Variants in POMT2 observed in about 807,000 individuals in gnomAD.
The protein encoded by POMT2 is protein O-mannosyltransferase 2.
In POMT2, 75 loss-of-function variants were observed where a neutral mutation model predicts 100.0. That is an observed-to-expected ratio of 0.75 (90% confidence interval 0.62 to 0.91). The LOEUF (loss-of-function observed/expected upper bound fraction) is 0.91. Among genes scored for constraint, POMT2 ranks in the 40% least tolerant of loss-of-function variants. The pLI is 0.00. For synonymous variants in POMT2, 378 were observed against 374.1 expected (o/e 1.01, Z -0.12); for missense variants, 940 against 955.1 (o/e 0.98, Z 0.21).
chr14:77,290,767 C>T (rs532022525), intron 10 of POMT2, among the ~76,000 whole-genome samples: 2 of 152,328 alleles, frequency 1.3e-5, no homozygotes, highest in African/African-American at 4.8e-5. Context: ...CAGTTAGAAG[C>T]AGATCAGCAG....
rs548239526 is a variant in POMT2, at chr14:77,297,185, T to C, written c.1007-912A>G. On this transcript the variant is annotated intron_variant, in intron 8 of 20. Coordinates refer to ENST00000261534, the MANE Select transcript of POMT2 (RefSeq NM_013382.7). ...GCTAAACTCCACAGCTGTGTTCTTCTGAGTTCTCAGGCAGGCCAACCTCGG... is the reference window on the plus strand; with the variant it reads ...GCTAAACTCCACAGCTGTGTTCTTCCGAGTTCTCAGGCAGGCCAACCTCGG... Among the ~76,000 whole-genome samples, 23 of 152,362 alleles carry C rather than the reference T, an allele frequency of 1.5e-4. No homozygotes were observed. In the South Asian group the frequency reaches 4.4e-3, roughly 29 times the overall value.
intron 11 of POMT2, chr14:77,287,510 CTG>C (rs1425013907): frequency 5.0e-4 from 52 of 104,686 alleles, no homozygotes; most frequent in African/African-American, 1.6e-3. Flanking sequence ...GCTTCTCTCT[CTG>C]TCTCTGTCTC....
At chr14:77,317,358 G>A (rs995141852) in intron 1 of POMT2, among the ~76,000 whole-genome samples, 4 of 152,182 alleles carry the variant, frequency 2.6e-5, no homozygotes, top group African/African-American at 9.7e-5. Context: ...CTGACTCTGT[G>A]TATACCACTG....
chr14:77,319,388 T>G (rs1891752173), intron 1 of POMT2: 1 of 152,244 alleles, frequency 6.6e-6, no homozygotes, highest in South Asian at 2.1e-4. Flanking sequence ...TGTGAAAATC[T>G]GCTAGAAGCC....
At chr14:77,282,761 A>T (rs1428828083) in intron 15 of POMT2, among the ~76,000 whole-genome samples, 1 of 152,218 alleles carries the variant, frequency 6.6e-6, no homozygotes, top group Non-Finnish European at 1.5e-5. Context: ...CTGGTGAAAT[A>T]AGTCAACTAT....
Position 77,279,642 on chromosome 14 carries a change from G to A in POMT2, c.1891+181C>T. 6 of 713,558 alleles carry A rather than the reference G, an allele frequency of 8.4e-6. No homozygotes were observed. The South Asian group carries it at 9.0e-5, about 11-fold the overall frequency. The allele number at this position is 713,558 out of a possible 1,614,324, so 44.2% of individuals were successfully genotyped here. A position where few individuals can be genotyped will look rare whatever the true frequency, so the allele number is the denominator to read the frequency against. The stretch of plus-strand genomic sequence containing the variant: ...AACGCTCTAGTGTTGTTGGGAGGAA[G>A]TAAAGTGTTTAACACAGCACTGGGT... On this transcript the variant is annotated intron_variant, in intron 18 of 20. Coordinates refer to ENST00000261534, the MANE Select transcript of POMT2 (RefSeq NM_013382.7).
intron 2 of POMT2, among the ~76,000 whole-genome samples, chr14:77,308,051 G>A (rs1464794095): frequency 2.0e-5 from 3 of 150,624 alleles, no homozygotes; most frequent in Admixed American, 6.6e-5. Flanking sequence ...TAGTAGAGGC[G>A]GGGTTTCACC....
intron 10 of POMT2, among the ~76,000 whole-genome samples, chr14:77,290,023 C>T (rs1170766122): frequency 6.6e-6 from 1 of 152,120 alleles, no homozygotes; most frequent in African/African-American, 2.4e-5. Flanking sequence ...CTCTTAAAAG[C>T]ATTAATTAGC....
intron 18 of POMT2, chr14:77,279,341 G>A (rs1455084219): frequency 1.4e-5 from 5 of 367,102 alleles, no homozygotes; most frequent in African/African-American, 6.4e-5. Context: ...CCATGGTCTG[G>A]CAGCCAAAGT....
At chr14:77,293,304 G>C (rs961258713) in intron 9 of POMT2, among the ~76,000 whole-genome samples, 1 of 152,148 alleles carries the variant, frequency 6.6e-6, no homozygotes, top group Non-Finnish European at 1.5e-5. Context: ...TTTTACAAGA[G>C]CAATTATGAT....
Position 77,275,086 on chromosome 14 carries a change from C to G in POMT2, c.*2290G>C, listed in dbSNP as rs1432391067. 6.6e-6 allele frequency: 1 copy of G among 152,172 alleles called. No individual in the cohort carries two copies. Among genetic ancestry groups the G allele is most frequent in the Non-Finnish European group, 1.5e-5 (1 of 68,048 alleles). 9.4% of individuals were successfully genotyped at this position (152,172 alleles called of 1,614,324 possible). ...GACGAACATCTTCTTCCTCCACCAGCAGTTTGTGGGACACATCACGTTTCT... is the reference window on the plus strand; with the variant it reads ...GACGAACATCTTCTTCCTCCACCAGGAGTTTGTGGGACACATCACGTTTCT... On this transcript the variant is annotated 3_prime_UTR_variant, in exon 21 of 21. Transcript: ENST00000261534.
chr14:77,283,938 G>A, intron 14 of POMT2, 65 bp from the exon 15 acceptor site: 1 of 1,349,258 alleles, frequency 7.4e-7, no homozygotes, highest in South Asian at 1.2e-5. Flanking sequence ...TGTCCATGGT[G>A]TCCACATTCC....
intron 5 of POMT2, 132 bp downstream of exon 5, chr14:77,302,703 A>G: frequency 1.3e-6 from 1 of 742,320 alleles, no homozygotes; most frequent in Non-Finnish European, 2.3e-6. Flanking sequence ...AAAAAAACAA[A>G]CAAAAAGTAT....
At chr14:77,316,160 C>T (rs1020768023) in intron 1 of POMT2, among the ~76,000 whole-genome samples, 1 of 152,240 alleles carries the variant, frequency 6.6e-6, no homozygotes, top group African/African-American at 2.4e-5. Flanking sequence ...CTACTCAACA[C>T]TTTGAAATTG....
chr14:77,285,672 G>C (rs1158052684), intron 12 of POMT2, 40 bp from the exon 13 acceptor site: 4 of 1,590,350 alleles, frequency 2.5e-6, no homozygotes, highest in Non-Finnish European at 3.5e-6. Context: ...AGAAAGTGAG[G>C]GGACTTTAGA....
chr14:77,302,541 A>G (rs1445195287), intron 5 of POMT2, among the ~76,000 whole-genome samples: 2 of 152,106 alleles, frequency 1.3e-5, no homozygotes, highest in Non-Finnish European at 2.9e-5. Flanking sequence ...CAAAACCCCT[A>G]CCCAATTGTA....
At chr14:77,285,237 C>G (rs572526417) in intron 13 of POMT2, 196 bp from the exon 14 acceptor site, 2 of 710,642 alleles carry the variant, frequency 2.8e-6, no homozygotes, top group South Asian at 3.7e-5. Flanking sequence ...AAGACATAGA[C>G]CCAGAGAGTT....
intron 2 of POMT2, among the ~76,000 whole-genome samples, chr14:77,309,186 T>G (rs1441719349): frequency 6.6e-6 from 1 of 152,242 alleles, no homozygotes; most frequent in Non-Finnish European, 1.5e-5. Flanking sequence ...TATAAAAGAA[T>G]TCCTAGAGGA....
At chr14:77,306,609 A>T in intron 2 of POMT2, 168 bp from the exon 3 acceptor site, 1 of 694,520 alleles carries the variant, frequency 1.4e-6, no homozygotes, top group Non-Finnish European at 2.4e-6. Context: ...CAGAGCAAAG[A>T]ATCTTTTGTC....
Sources: allele counts gnomAD v4.1 joint callset (sites outside exome capture counted in the v4.1 genomes callset), GRCh38; gene constraint gnomAD v4.1.1; transcripts MANE v1.5; gene names NCBI Gene and HGNC (gene_info 2026-07-23, HGNC 2026-07-21).